SBF2: variants seen among roughly 807,000 people sequenced by gnomAD.
SBF2 encodes SET binding factor 2.
In SBF2, 112 loss-of-function variants were observed where a neutral mutation model predicts 225.2. That is an observed-to-expected ratio of 0.50 (90% CI 0.43 to 0.58). The LOEUF (loss-of-function observed/expected upper bound fraction) is 0.58, where lower values mean the gene tolerates loss of function less well. SBF2 is among the 20% of genes least tolerant of loss of function. The pLI is 0.00. For missense variants in SBF2, 1,996 were observed against 2,206.2 expected (o/e 0.90, Z 1.91); for synonymous variants, 763 against 773.3 (o/e 0.99, Z 0.22).
At chr11:10,037,307 G>T (rs1949476755) in intron 3 of SBF2, among the ~76,000 whole-genome samples, 1 of 152,054 alleles carries the variant, frequency 6.6e-6, no homozygotes. Context: ...TTTTTTCTCT[G>T]TGTGAATTAT....
intron 2 of SBF2, among the ~76,000 whole-genome samples, chr11:10,152,644 G>C (rs150413344): frequency 7.9e-4 from 120 of 152,122 alleles, no homozygotes; most frequent in African/African-American, 2.6e-3. Flanking sequence ...CTGTATTTCA[G>C]GTATTAAAAG....
chr11:10,082,263 G>A (rs1034873489), intron 2 of SBF2, among the ~76,000 whole-genome samples: 25 of 152,204 alleles, frequency 1.6e-4, no homozygotes, highest in African/African-American at 5.8e-4. Context: ...AAAAAGTCCA[G>A]GACCAGAGAA....
At chr11:10,274,834 C>G (rs1272184295) in intron 1 of SBF2, among the ~76,000 whole-genome samples, 1 of 151,668 alleles carries the variant, frequency 6.6e-6, no homozygotes, top group African/African-American at 2.4e-5. Context: ...ATCTGTAGAG[C>G]TATGTACTAC....
At chr11:9,858,160 A>C in intron 18 of SBF2, 66 bp downstream of exon 18, 1 of 1,586,952 alleles carries the variant, frequency 6.3e-7, no homozygotes, top group Non-Finnish European at 8.6e-7. Flanking sequence ...TGCCCTGGGA[A>C]CATCTGCTTT....
chr11:10,251,381 C>T (rs185383703), intron 1 of SBF2, among the ~76,000 whole-genome samples: 54 of 152,256 alleles, frequency 3.5e-4, no homozygotes, highest in African/African-American at 1.2e-3. Flanking sequence ...ACTGTAAAGG[C>T]TATGGTTACA....
At chr11:10,252,627 G>A (rs528791036) in intron 1 of SBF2, among the ~76,000 whole-genome samples, 19 of 152,234 alleles carry the variant, frequency 1.2e-4, no homozygotes, top group Admixed American at 2.0e-4. Context: ...TGACTAACAC[G>A]GTGAAACCCC....
intron 2 of SBF2, among the ~76,000 whole-genome samples, chr11:10,173,250 G>A (rs551325836): frequency 6.3e-4 from 96 of 152,282 alleles, no homozygotes; most frequent in Admixed American, 1.8e-3. Flanking sequence ...CTGAGGTACC[G>A]GGTTCATCTC....
At position 10,161,162 on chromosome 11, in the gene SBF2, G is replaced by A. The variant is rs528387152; in HGVS notation, c.141+32740C>T. Among the ~76,000 whole-genome samples, 8 of 135,358 alleles carry A rather than the reference G, an allele frequency of 5.9e-5. No homozygotes were observed. In the East Asian group the frequency reaches 1.7e-3, roughly 28 times the overall value. The allele number at this position is 135,358 out of a possible 152,430, so 88.8% of individuals were successfully genotyped here. A position where few individuals can be genotyped will look rare whatever the true frequency, so the allele number is the denominator to read the frequency against. On this transcript the variant is annotated intron_variant, in intron 2 of 39. Coordinates refer to ENST00000256190, the MANE Select transcript of SBF2 (RefSeq NM_030962.4). ...ATTGCACCATTGCACTCCAGCCTGG[G>A]CAACAAAGCAAGACTCTGTCTCAAA...
chr11:9,993,139 T>C lies in SBF2; in HGVS notation c.1054-36A>G, dbSNP rs752717530. On this transcript the variant is annotated intron_variant, in intron 10 of 39. Transcript: ENST00000256190. ...AAGAAGAAATGTTAGGTAATTTAAC[T>C]TTTTAAAAACAAATGAAATATCAAG... is the stretch of plus-strand genomic sequence containing the variant. 11 of 1,486,344 alleles carry C rather than the reference T, an allele frequency of 7.4e-6. No homozygotes were observed. The South Asian group carries it at 1.2e-4, about 17-fold the overall frequency. 92.1% of individuals were successfully genotyped at this position (1,486,344 alleles called of 1,614,324 possible). A position where few individuals can be genotyped will look rare whatever the true frequency, so the allele number is the denominator to read the frequency against.
Position 10,161,608 on chromosome 11 carries a change from G to C in SBF2, c.141+32294C>G, listed in dbSNP as rs532636365. Reference sequence around the variant, plus strand: ...CACACTAAATTTCTCTGCCTCCTTTGTAGTCAGACATGGTTACACATCAGT... The same window carrying C: ...CACACTAAATTTCTCTGCCTCCTTTCTAGTCAGACATGGTTACACATCAGT... On this transcript the variant is annotated intron_variant, in intron 2 of 39. Coordinates refer to ENST00000256190, the MANE Select transcript of SBF2 (RefSeq NM_030962.4). Among the ~76,000 whole-genome samples the C allele has an allele frequency of 7.9e-5, 12 of 152,224 alleles. No individual in the cohort carries two copies. In the East Asian group the frequency reaches 2.1e-3, roughly 27 times the overall value.
chr11:9,978,612 T>C (rs1946804187), intron 13 of SBF2, among the ~76,000 whole-genome samples: 1 of 152,158 alleles, frequency 6.6e-6, no homozygotes, highest in African/African-American at 2.4e-5. Flanking sequence ...ATAGGGATTG[T>C]CCATGTTTTT....
chr11:10,277,132 CAAAAAAA>C (rs11310738), intron 1 of SBF2, among the ~76,000 whole-genome samples: 1 of 73,522 alleles, frequency 1.4e-5, no homozygotes, highest in Non-Finnish European at 2.5e-5. Flanking sequence ...GACCCCATCT[CAAAAAAA>C]AAAAAAAAAA....
chr11:9,897,389 C>T (rs1275790904), intron 16 of SBF2, among the ~76,000 whole-genome samples: 1 of 152,058 alleles, frequency 6.6e-6, no homozygotes, highest in African/African-American at 2.4e-5. Context: ...AGGCACATGC[C>T]ACCACACTCG....
At chr11:9,910,614 G>A (rs938086989) in intron 16 of SBF2, among the ~76,000 whole-genome samples, 2 of 151,944 alleles carry the variant, frequency 1.3e-5, no homozygotes, top group East Asian at 1.9e-4. Flanking sequence ...GGTGGTGGAA[G>A]ACAGTGATAT....
At chr11:10,078,981 C>A (rs1030684116) in intron 2 of SBF2, among the ~76,000 whole-genome samples, 1 of 152,028 alleles carries the variant, frequency 6.6e-6, no homozygotes, top group African/African-American at 2.4e-5. Context: ...ATAGTCTATG[C>A]CACCAAATGC....
rs115867576 is a variant in SBF2, at chr11:9,787,503, C to T, written c.5037+131G>A. On this transcript the variant is annotated intron_variant, in intron 36 of 39. Coordinates refer to ENST00000256190, the MANE Select transcript of SBF2 (RefSeq NM_030962.4). The stretch of plus-strand genomic sequence containing the variant: ...TCTGCCCTGGACCTCCAGGACATGA[C>T]CCCTCCCCTTTCCACCCTTCCTTCT... 2,844 of 749,970 alleles carry T rather than the reference C, an allele frequency of 3.8e-3. 55 individuals carry two copies. In the African/African-American group the frequency reaches 0.04, roughly 11 times the overall value. 46.5% of individuals were successfully genotyped at this position (749,970 alleles called of 1,614,324 possible). A position where few individuals can be genotyped will look rare whatever the true frequency, so the allele number is the denominator to read the frequency against.
upstream of SBF2, among the ~76,000 whole-genome samples, chr11:10,299,223 A>G (rs1161320724): frequency 6.6e-6 from 1 of 151,550 alleles, no homozygotes; most frequent in Non-Finnish European, 1.5e-5. Context: ...CTGTAGTCCC[A>G]GCTACTCAGG....
chr11:10,251,172 C>T (rs936408442), intron 1 of SBF2, among the ~76,000 whole-genome samples: 7 of 152,232 alleles, frequency 4.6e-5, no homozygotes, highest in South Asian at 2.1e-4. Flanking sequence ...GATGTAGATG[C>T]GAAACCTTAA....
At position 9,842,655 on chromosome 11, in the gene SBF2, G is replaced by T; in HGVS notation, c.3226C>A (p.Pro1076Thr). 1 of 1,613,942 alleles carries T rather than the reference G, an allele frequency of 6.2e-7. No individual in the cohort carries two copies. The highest frequency in any genetic ancestry group is 1.1e-5 in the South Asian group (1 of 91,070). ...GTIVEERVNR[P>T]GWNEDDDVSV... ...ACATCATCATCTTCATTCCATCCAG[G>T]ACGATTTACTCTTTCTTCCACAATT... The change falls in exon 25 of 40, where the codon CCT (proline) becomes ACT (threonine). Residue 1076 changes from proline (P) to threonine (T), a missense_variant. Pro to Thr is a conservative substitution (Grantham distance 38). Transcript: ENST00000256190.
Sources: gnomAD v4.1 joint callset for allele counts (sites outside exome capture counted in the v4.1 genomes callset) on GRCh38, gnomAD v4.1.1 for gene constraint, MANE v1.5 for transcripts, NCBI Gene and HGNC (gene_info 2026-07-23, HGNC 2026-07-21) for gene names.